Variants in TRIM44 observed in about 807,000 individuals in gnomAD.
TRIM44 encodes tripartite motif containing 44.
TRIM44 carries 13 observed loss-of-function variants against 37.4 expected under a neutral mutation model. That is an observed-to-expected ratio of 0.35 (90% CI 0.23 to 0.55). TRIM44 has a LOEUF of 0.55. Ranked by LOEUF, TRIM44 falls within the 20% of genes least tolerant of loss-of-function variation. The probability of loss-of-function intolerance (pLI) is 0.89; values close to 1 mark genes in which losing one functional copy is unlikely to be tolerated. For missense variants in TRIM44, 426 were observed against 437.2 expected, an observed-to-expected ratio of 0.97 and a Z score of 0.23; for synonymous variants, 175 against 157.2, an observed-to-expected ratio of 1.11 and a Z score of -0.85.
chr11:35,742,462 C>G (rs1469399811), intron 4 of TRIM44, among the ~76,000 whole-genome samples: 1 of 126,628 alleles, frequency 7.9e-6, no homozygotes, highest in Non-Finnish European at 1.6e-5. Flanking sequence ...ATATTAATTA[C>G]AATTAATATA....
intron 1 of TRIM44, among the ~76,000 whole-genome samples, chr11:35,671,944 T>C (rs1481555559): frequency 1.3e-5 from 2 of 152,180 alleles, no homozygotes; most frequent in African/African-American, 4.8e-5. Context: ...TCATGACTTG[T>C]CATCTCAGAT....
intron 1 of TRIM44, among the ~76,000 whole-genome samples, chr11:35,673,379 GT>G (rs1166122009): frequency 6.6e-6 from 1 of 152,182 alleles, no homozygotes; most frequent in Non-Finnish European, 1.5e-5. Flanking sequence ...GAGACAATTG[GT>G]TTGGTGTAAA....
At chr11:35,738,396 A>T (rs1852352710) in intron 4 of TRIM44, among the ~76,000 whole-genome samples, 1 of 152,176 alleles carries the variant, frequency 6.6e-6, no homozygotes, top group Admixed American at 6.5e-5. Flanking sequence ...ATCTCCCTTG[A>T]GCCAGGCTGC....
intron 4 of TRIM44, among the ~76,000 whole-genome samples, chr11:35,800,855 A>T (rs1291153209): frequency 1.3e-5 from 2 of 152,256 alleles, no homozygotes; most frequent in African/African-American, 2.4e-5. Flanking sequence ...AACTTTGCTT[A>T]AAATGCAAGG....
chr11:35,713,428 A>G (rs896306646), intron 2 of TRIM44, among the ~76,000 whole-genome samples: 1 of 151,678 alleles, frequency 6.6e-6, no homozygotes, highest in South Asian at 2.1e-4. Flanking sequence ...CCTATAGAAG[A>G]TGTATTGAGA....
intron 4 of TRIM44, among the ~76,000 whole-genome samples, chr11:35,776,857 G>A (rs1450472435): frequency 6.6e-6 from 1 of 152,234 alleles, no homozygotes; most frequent in Non-Finnish European, 1.5e-5. Flanking sequence ...CATTTGCTGA[G>A]GAATGCTTTA....
chr11:35,788,682 T>A (rs1853160995), intron 4 of TRIM44, among the ~76,000 whole-genome samples: 1 of 152,226 alleles, frequency 6.6e-6, no homozygotes, highest in Non-Finnish European at 1.5e-5. Flanking sequence ...CGTTGGTTGC[T>A]GGACCCCTAC....
At chr11:35,674,228 G>A (rs1851434133) in intron 1 of TRIM44, among the ~76,000 whole-genome samples, 1 of 133,058 alleles carries the variant, frequency 7.5e-6, no homozygotes, top group Admixed American at 7.8e-5. Flanking sequence ...GAGAGAGAGA[G>A]AATTTGCGTG....
chr11:35,706,541 G>T (rs1423583553), intron 2 of TRIM44, among the ~76,000 whole-genome samples: 1 of 152,152 alleles, frequency 6.6e-6, no homozygotes, highest in Non-Finnish European at 1.5e-5. Context: ...GAATCCAGCA[G>T]CACATCAAAA....
intron 4 of TRIM44, among the ~76,000 whole-genome samples, chr11:35,793,462 TTGC>T (rs2133879033): frequency 6.6e-6 from 1 of 151,954 alleles, no homozygotes; most frequent in Admixed American, 6.5e-5. Flanking sequence ...GAGGCGGAGG[TTGC>T]AGTGAGCCAA....
In TRIM44 at chr11:35,745,911, C is replaced by T. The variant is rs533366803; in HGVS notation, c.1007+10466C>T. The stretch of plus-strand genomic sequence containing the variant: ...CAGTGGCCCGGACTGGGAATCCCCC[C>T]GCCTTTATTTTTCCTCATCAACATT... On this transcript the variant is annotated intron_variant, in intron 4 of 4. Coordinates refer to ENST00000299413, the MANE Select transcript of TRIM44 (RefSeq NM_017583.6). 3.3e-5 allele frequency among the ~76,000 whole-genome samples: 5 copies of T among 152,166 alleles called. No individual in the cohort carries two copies. The East Asian group carries it at 5.8e-4, about 18-fold the overall frequency.
At chr11:35,789,848 A>G (rs1230530123) in intron 4 of TRIM44, among the ~76,000 whole-genome samples, 1 of 152,140 alleles carries the variant, frequency 6.6e-6, no homozygotes, top group Non-Finnish European at 1.5e-5. Context: ...ATCTTATGAC[A>G]CTTGATTTCT....
rs536549750 is a variant in TRIM44, at chr11:35,691,216, T to C, written c.747+5880T>C. Reference sequence around the variant, plus strand: ...GTTTGACCCGATTAGTGAAGGACACTAAATGGGAAAAATACCTGTGCTCCC... The same window carrying C: ...GTTTGACCCGATTAGTGAAGGACACCAAATGGGAAAAATACCTGTGCTCCC... On this transcript the variant is annotated intron_variant, in intron 2 of 4. Transcript: ENST00000299413. 3.3e-5 allele frequency among the ~76,000 whole-genome samples: 5 copies of C among 152,302 alleles called. No individual in the cohort carries two copies. The South Asian group carries it at 8.3e-4, about 25-fold the overall frequency.
chr11:35,710,095 T>C (rs1458839911), intron 2 of TRIM44, among the ~76,000 whole-genome samples: 1 of 152,232 alleles, frequency 6.6e-6, no homozygotes, highest in Non-Finnish European at 1.5e-5. Flanking sequence ...ATATGGCTGC[T>C]GGGATTGGCG....
At chr11:35,693,176 A>C (rs571871807) in intron 2 of TRIM44, among the ~76,000 whole-genome samples, 16 of 152,082 alleles carry the variant, frequency 1.1e-4, no homozygotes, top group African/African-American at 3.6e-4. Context: ...ACAGGCACAT[A>C]CTCCTAAGTT....
intron 2 of TRIM44, among the ~76,000 whole-genome samples, chr11:35,709,279 T>C (rs1369565183): frequency 2.6e-5 from 4 of 152,228 alleles, no homozygotes; most frequent in Admixed American, 2.6e-4. Flanking sequence ...CTGTGCCTAA[T>C]GCATAAGCCA....
rs148833712 is a variant in TRIM44, at chr11:35,712,001, G to A, written c.748-13923G>A. ...CAATTGCATGTTTTAAAGGGCCATT[G>A]ATACCTGTTTGAGTGATAATGACTT... On this transcript the variant is annotated intron_variant, in intron 2 of 4. Coordinates refer to ENST00000299413, the MANE Select transcript of TRIM44 (RefSeq NM_017583.6). 8.8e-4 allele frequency among the ~76,000 whole-genome samples: 134 copies of A among 152,288 alleles called. 1 individual carries two copies. The highest frequency in any genetic ancestry group is 5.8e-3 in the South Asian group (28 of 4,818).
intron 4 of TRIM44, among the ~76,000 whole-genome samples, chr11:35,792,758 G>C (rs781382116): frequency 6.6e-6 from 1 of 152,116 alleles, no homozygotes; most frequent in Non-Finnish European, 1.5e-5. Flanking sequence ...ACAACATAAC[G>C]GTGCTGAGGT....
chr11:35,718,035 T>C (rs1649796947), intron 2 of TRIM44, among the ~76,000 whole-genome samples: 1 of 152,098 alleles, frequency 6.6e-6, no homozygotes, highest in African/African-American at 2.4e-5. Context: ...ATAGCCAAAA[T>C]AAGAAGTGAA....
Sources: allele counts gnomAD v4.1 joint callset (sites outside exome capture counted in the v4.1 genomes callset), GRCh38; gene constraint gnomAD v4.1.1; transcripts MANE v1.5; gene names NCBI Gene and HGNC (gene_info 2026-07-23, HGNC 2026-07-21).